PLEKHA5: variants seen among roughly 807,000 people sequenced by gnomAD.
PLEKHA5 encodes the protein pleckstrin homology domain containing A5, also known as pleckstrin homology domain-containing family A member 5.
In PLEKHA5, 55 loss-of-function variants were observed where a neutral mutation model predicts 181.9. That is an observed-to-expected ratio of 0.30 (90% confidence interval 0.24 to 0.38). The LOEUF (loss-of-function observed/expected upper bound fraction) is 0.38, where lower values mean the gene tolerates loss of function less well. Ranked by LOEUF, PLEKHA5 falls within the 10% of genes least tolerant of loss-of-function variation. The probability of loss-of-function intolerance (pLI) is 1.00; values close to 1 mark genes in which losing one functional copy is unlikely to be tolerated. For missense variants in PLEKHA5, 1,432 were observed against 1,549.5 expected, an observed-to-expected ratio of 0.92 and a Z score of 1.27; for synonymous variants, 535 against 529.4, an observed-to-expected ratio of 1.01 and a Z score of -0.15.
chr12:19,184,953 G>A (rs1429543832), intron 3 of PLEKHA5, among the ~76,000 whole-genome samples: 1 of 152,190 alleles, frequency 6.6e-6, no homozygotes, highest in South Asian at 2.1e-4. Flanking sequence ...TATATAGTCG[G>A]TGGAGGCAAA....
chr12:19,180,801 T>C (rs1357814786), intron 3 of PLEKHA5, among the ~76,000 whole-genome samples: 1 of 151,534 alleles, frequency 6.6e-6, no homozygotes, highest in Non-Finnish European at 1.5e-5. Flanking sequence ...AGTGTTTTTT[T>C]TTTTTTAAAC....
intron 3 of PLEKHA5, chr12:19,153,277 G>A (rs1041569369): frequency 6.6e-6 from 1 of 151,976 alleles, no homozygotes; most frequent in Non-Finnish European, 1.5e-5. Context: ...TCAACTATTT[G>A]TTCTGCATTC....
chr12:19,211,841 T>G (rs916633707), intron 3 of PLEKHA5, among the ~76,000 whole-genome samples: 21 of 152,266 alleles, frequency 1.4e-4, no homozygotes, highest in African/African-American at 5.1e-4. Flanking sequence ...TGTTTTAAAG[T>G]TACTTACCTT....
chr12:19,261,284 G>T (rs1433337974), intron 7 of PLEKHA5, among the ~76,000 whole-genome samples: 1 of 152,026 alleles, frequency 6.6e-6, no homozygotes, highest in African/African-American at 2.4e-5. Context: ...CTTGAATTCG[G>T]TGCTTAATAG....
chr12:19,307,738 C>T (rs771240864), intron 15 of PLEKHA5, among the ~76,000 whole-genome samples: 4 of 151,754 alleles, frequency 2.6e-5, no homozygotes, highest in Non-Finnish European at 5.9e-5. Flanking sequence ...ACATCAAAAA[C>T]GAGAGACAGA....
Position 19,358,257 on chromosome 12 carries a change from C to G in PLEKHA5, c.3168C>G (p.Leu1056=). The change falls in exon 27 of 32, where the codon CTC becomes CTG. Residue 1056 remains leucine, a synonymous_variant. Transcript: ENST00000429027. ...TERPRSAVEQ[L]CLAESTRPRM... Reference sequence around the variant, plus strand: ...GACCAAGAAGTGCAGTGGAACAGCTCTGTTTGGCTGAAAGTACTCGACCAA... The same window carrying G: ...GACCAAGAAGTGCAGTGGAACAGCTGTGTTTGGCTGAAAGTACTCGACCAA... The G allele has an allele frequency of 6.2e-7, 1 of 1,613,804 alleles. No individual in the cohort carries two copies. Among genetic ancestry groups the G allele is most frequent in the Non-Finnish European group, 8.5e-7 (1 of 1,179,812 alleles).
chr12:19,233,107 A>G (rs911008532), intron 3 of PLEKHA5, among the ~76,000 whole-genome samples: 4 of 152,156 alleles, frequency 2.6e-5, no homozygotes, highest in Admixed American at 1.3e-4. Flanking sequence ...GAAAGACACT[A>G]TATTTTCAAA....
At chr12:19,135,393 C>A (rs1053321161) in intron 3 of PLEKHA5, among the ~76,000 whole-genome samples, 1 of 152,056 alleles carries the variant, frequency 6.6e-6, no homozygotes, top group Non-Finnish European at 1.5e-5. Flanking sequence ...GAAAAGGCAA[C>A]CTCTAAATTC....
chr12:19,132,735 G>T (rs754711554), intron 3 of PLEKHA5, among the ~76,000 whole-genome samples: 1 of 146,248 alleles, frequency 6.8e-6, no homozygotes, highest in African/African-American at 2.5e-5. Context: ...TTTTTCTTTT[G>T]GAATCGTCCA....
At chr12:19,151,467 T>TACAG (rs5796787) in intron 3 of PLEKHA5, 135,274 of 151,602 alleles carry the variant, frequency 0.89, 61,111 homozygotes, top group Non-Finnish European at 0.97. Context: ...CCCTGGGACT[T>TACAG]ACAGAGGCCG....
chr12:19,296,590 T>G (rs2079874109), intron 15 of PLEKHA5, among the ~76,000 whole-genome samples: 1 of 152,040 alleles, frequency 6.6e-6, no homozygotes, highest in Non-Finnish European at 1.5e-5. Flanking sequence ...CCTCAGATCT[T>G]AGGAACACGT....
intron 3 of PLEKHA5, among the ~76,000 whole-genome samples, chr12:19,187,246 T>C (rs142731908): frequency 2.0e-5 from 3 of 152,314 alleles, no homozygotes; most frequent in African/African-American, 7.2e-5. Flanking sequence ...AAATCTAAAA[T>C]TTCTAGATAC....
At chr12:19,162,616 C>T (rs1278051654) in intron 3 of PLEKHA5, among the ~76,000 whole-genome samples, 1 of 150,656 alleles carries the variant, frequency 6.6e-6, no homozygotes, top group African/African-American at 2.4e-5. Context: ...CTGTTGTCTG[C>T]TACAGAGACA....
At chr12:19,151,059 A>T (rs1157361414) in intron 3 of PLEKHA5, 1 of 152,270 alleles carries the variant, frequency 6.6e-6, no homozygotes, top group Non-Finnish European at 1.5e-5. Context: ...TAGATGTGCC[A>T]GGTTATGGGT....
chr12:19,253,199 C>T (rs369805654), intron 3 of PLEKHA5, among the ~76,000 whole-genome samples: 277 of 150,100 alleles, frequency 1.8e-3, no homozygotes, highest in African/African-American at 5.1e-3. Flanking sequence ...CTCAGCCTCC[C>T]GAGTAGCTGG....
intron 20 of PLEKHA5, among the ~76,000 whole-genome samples, chr12:19,331,631 C>G (rs2092841452): frequency 1.3e-5 from 2 of 152,096 alleles, no homozygotes; most frequent in African/African-American, 2.4e-5. Flanking sequence ...CACTTTCTCC[C>G]CCGCACAGTG....
intron 11 of PLEKHA5, 120 bp from the exon 12 acceptor site, chr12:19,283,149 CAAAAAAAAAAA>C (rs34391812): frequency 9.8e-5 from 20 of 204,092 alleles, no homozygotes; most frequent in African/African-American, 1.9e-4. Flanking sequence ...TCTTGTCTCC[CAAAAAAAAAAA>C]AAAAAAAAAA....
intron 16 of PLEKHA5, among the ~76,000 whole-genome samples, chr12:19,318,306 TTGATA>T (rs1156628414): frequency 2.6e-5 from 4 of 152,100 alleles, no homozygotes; most frequent in African/African-American, 9.7e-5. Context: ...AAAAATCTGA[TTGATA>T]TGTATAATAT....
intron 3 of PLEKHA5, among the ~76,000 whole-genome samples, chr12:19,221,865 A>C (rs913193087): frequency 6.6e-6 from 1 of 152,338 alleles, no homozygotes; most frequent in Admixed American, 6.5e-5. Flanking sequence ...GAGAAGCCTA[A>C]GGAGACATGA....
Sources: gnomAD v4.1 joint callset for allele counts (sites outside exome capture counted in the v4.1 genomes callset) on GRCh38, gnomAD v4.1.1 for gene constraint, MANE v1.5 for transcripts, NCBI Gene and HGNC (gene_info 2026-07-23, HGNC 2026-07-21) for gene names.